ZFYVE9: variants seen among roughly 807,000 people sequenced by gnomAD.
ZFYVE9 encodes the protein zinc finger FYVE-type containing 9, also known as zinc finger FYVE domain-containing protein 9.
Under a neutral mutation model 126.7 loss-of-function variants are expected in ZFYVE9, and 43 were observed. The observed-to-expected ratio is 0.34, with a 90% CI of 0.27 to 0.44. The LOEUF is 0.44. Ranked by LOEUF, ZFYVE9 falls within the 20% of genes least tolerant of loss-of-function variation. The probability of loss-of-function intolerance (pLI) is 1.00; values close to 1 mark genes in which losing one functional copy is unlikely to be tolerated. For missense variants in ZFYVE9, 1,476 were observed against 1,697.0 expected (o/e 0.87, Z 2.29); for synonymous variants, 521 against 597.4 (o/e 0.87, Z 1.87).
intron 10 of ZFYVE9, among the ~76,000 whole-genome samples, chr1:52,286,787 C>G (rs535898821): frequency 3.9e-5 from 6 of 152,336 alleles, no homozygotes; most frequent in South Asian, 2.1e-4. Context: ...CTCCAACATT[C>G]AGTATTCTGC....
At chr1:52,179,468 T>C (rs1256711566) in intron 1 of ZFYVE9, among the ~76,000 whole-genome samples, 3 of 151,782 alleles carry the variant, frequency 2.0e-5, no homozygotes, top group African/African-American at 7.3e-5. Flanking sequence ...AACCTGTCTC[T>C]ACTAAAAATA....
At chr1:52,273,827 AAAAAAAAAAAAT>A (rs1204155242) in intron 7 of ZFYVE9, among the ~76,000 whole-genome samples, 2 of 151,950 alleles carry the variant, frequency 1.3e-5, no homozygotes, top group African/African-American at 4.8e-5. Context: ...TCAAAAAAAA[AAAAAAAAAAAAT>A]GAACTTCAAG....
At chr1:52,247,969 G>A (rs570402929) in intron 4 of ZFYVE9, among the ~76,000 whole-genome samples, 1 of 152,178 alleles carries the variant, frequency 6.6e-6, no homozygotes, top group East Asian at 1.9e-4. Context: ...GTCGTAGCAT[G>A]TATTAGTCAG....
intron 13 of ZFYVE9, among the ~76,000 whole-genome samples, 155 bp downstream of exon 13, chr1:52,304,080 C>T (rs1646059915): frequency 6.6e-6 from 1 of 152,046 alleles, no homozygotes. Context: ...AATTTCATTA[C>T]AGGAAGACAA....
At chr1:52,266,629 A>G (rs1263175936) in intron 5 of ZFYVE9, 26 bp from the exon 6 acceptor site, 1 of 1,551,138 alleles carries the variant, frequency 6.4e-7, no homozygotes, top group Non-Finnish European at 8.7e-7. Context: ...ATCCATTCAC[A>G]TTGATTGTGT....
At chr1:52,236,048 C>A (rs1310606236) in intron 3 of ZFYVE9, among the ~76,000 whole-genome samples, 1 of 152,068 alleles carries the variant, frequency 6.6e-6, no homozygotes, top group Non-Finnish European at 1.5e-5. Context: ...ATTGCAGTTT[C>A]CAAGAACCTA....
chr1:52,241,029 A>G (rs1286583302), intron 4 of ZFYVE9, among the ~76,000 whole-genome samples: 4 of 152,176 alleles, frequency 2.6e-5, no homozygotes, highest in Non-Finnish European at 4.4e-5. Context: ...AAATCATACT[A>G]TATTTGGGAT....
chr1:52,237,311 A>T (rs1177632229), intron 3 of ZFYVE9, among the ~76,000 whole-genome samples, 177 bp from the exon 4 acceptor site: 1 of 152,186 alleles, frequency 6.6e-6, no homozygotes, highest in Non-Finnish European at 1.5e-5. Context: ...CCATTTGGTG[A>T]CATATAATTG....
intron 13 of ZFYVE9, among the ~76,000 whole-genome samples, chr1:52,331,033 AT>A (rs1011630476): frequency 6.6e-6 from 1 of 151,700 alleles, no homozygotes; most frequent in East Asian, 1.9e-4. Flanking sequence ...CACCCAGCTC[AT>A]TTTTTTGTAC....
chr1:52,265,841 T>G (rs1022832275), intron 5 of ZFYVE9, among the ~76,000 whole-genome samples: 2 of 152,230 alleles, frequency 1.3e-5, no homozygotes, highest in African/African-American at 4.8e-5. Flanking sequence ...CTTAAAAGTT[T>G]AGAAATGAAA....
intron 1 of ZFYVE9, among the ~76,000 whole-genome samples, chr1:52,214,899 G>A (rs1013749929): frequency 3.3e-5 from 5 of 151,872 alleles, no homozygotes; most frequent in African/African-American, 9.7e-5. Context: ...TTTTATTCAC[G>A]TCCTCAATGG....
chr1:52,155,803 C>A (rs1337821101), intron 1 of ZFYVE9, among the ~76,000 whole-genome samples: 2 of 152,178 alleles, frequency 1.3e-5, no homozygotes, highest in Non-Finnish European at 2.9e-5. Context: ...AAGGAGCCTA[C>A]CAGACATTGT....
At position 52,181,942 on chromosome 1, in the gene ZFYVE9, G is replaced by T. The variant is rs571880751; in HGVS notation, c.-142-34427G>T. ...CTCCGCCCGGCAGCCACCCCGTCGG[G>T]GAGGGAGGTGGGGGTCAGCCACCGC... On this transcript the variant is annotated intron_variant, in intron 1 of 18. Coordinates refer to ENST00000287727, the MANE Select transcript of ZFYVE9 (RefSeq NM_004799.4). 3.9e-5 allele frequency among the ~76,000 whole-genome samples: 6 copies of T among 152,028 alleles called. No individual in the cohort carries two copies. In the East Asian group the frequency reaches 9.8e-4, roughly 25 times the overall value.
chr1:52,306,531 G>A (rs868286875), intron 13 of ZFYVE9, among the ~76,000 whole-genome samples: 44 of 152,228 alleles, frequency 2.9e-4, no homozygotes, highest in Admixed American at 1.3e-4. Flanking sequence ...ACAAGAACTC[G>A]GGACCTGCCA....
chr1:52,310,685 A>G (rs1198957413), intron 13 of ZFYVE9, among the ~76,000 whole-genome samples: 4 of 152,176 alleles, frequency 2.6e-5, no homozygotes, highest in Non-Finnish European at 5.9e-5. Context: ...AGTTTAAATA[A>G]TTACCAATTT....
chr1:52,330,166 T>G (rs536978071), intron 13 of ZFYVE9, among the ~76,000 whole-genome samples: 7 of 152,240 alleles, frequency 4.6e-5, no homozygotes, highest in African/African-American at 1.7e-4. Flanking sequence ...CCACTTGAGG[T>G]CGGGAGTTCG....
intron 9 of ZFYVE9, 117 bp downstream of exon 9, chr1:52,278,731 CTTTTTTTTTTTT>C (rs377369353): frequency 4.2e-6 from 2 of 480,726 alleles, no homozygotes; most frequent in East Asian, 9.8e-5. Flanking sequence ...TTTTTTTTTT[CTTTTTTTTTTTT>C]TGAGACAGAA....
At chr1:52,183,569 C>A (rs1355621574) in intron 1 of ZFYVE9, among the ~76,000 whole-genome samples, 1 of 152,134 alleles carries the variant, frequency 6.6e-6, no homozygotes, top group Non-Finnish European at 1.5e-5. Context: ...GTGGTGCGAT[C>A]TCAGCTCACT....
At chr1:52,263,706 G>C (rs1415865040) in intron 4 of ZFYVE9, 67 bp from the exon 5 acceptor site, 1 of 782,542 alleles carries the variant, frequency 1.3e-6, no homozygotes, top group African/African-American at 1.9e-5. Flanking sequence ...TGTCAATATT[G>C]GTTCACTCTC....
Sources: gnomAD v4.1 joint callset for allele counts (sites outside exome capture counted in the v4.1 genomes callset) on GRCh38, gnomAD v4.1.1 for gene constraint, MANE v1.5 for transcripts, NCBI Gene and HGNC (gene_info 2026-07-23, HGNC 2026-07-21) for gene names.